The following DLGAP2 variants were observed in gnomAD, a reference collection of about 807,000 sequenced individuals.
The protein encoded by DLGAP2 is DLG associated protein 2, also known as disks large-associated protein 2.
DLGAP2 carries 26 observed loss-of-function variants against 100.3 expected under a neutral mutation model. The ratio of observed to expected loss-of-function variants is 0.26; its 90% CI spans 0.19 to 0.36. The LOEUF is 0.36. Among genes scored for constraint, DLGAP2 ranks in the 10% least tolerant of loss-of-function variants. The pLI, the probability that DLGAP2 is intolerant of heterozygous loss-of-function variation, is 1.00. For synonymous variants in DLGAP2, 886 were observed against 630.1 expected (o/e 1.41, Z -6.08); for missense variants, 1,858 against 1,453.2 (o/e 1.28, Z -4.53).
intron 3 of DLGAP2, among the ~76,000 whole-genome samples, chr8:1,321,358 C>A (rs1800897805): frequency 6.6e-6 from 1 of 151,484 alleles, no homozygotes. Context: ...GCTTATGCAT[C>A]CGTACCATGT....
At chr8:1,362,762 T>C (rs1802015335) in intron 3 of DLGAP2, among the ~76,000 whole-genome samples, 1 of 152,248 alleles carries the variant, frequency 6.6e-6, no homozygotes, top group South Asian at 2.1e-4. Context: ...ACAGCGTCCA[T>C]TTCTGTACTT....
intron 1 of DLGAP2, among the ~76,000 whole-genome samples, chr8:761,803 C>T (rs994754933): frequency 6.6e-6 from 1 of 152,176 alleles, no homozygotes; most frequent in Non-Finnish European, 1.5e-5. Context: ...CCCCTCTGTC[C>T]CGGGCTAGCT....
intron 1 of DLGAP2, among the ~76,000 whole-genome samples, chr8:750,269 C>A (rs1820757239): frequency 6.6e-6 from 1 of 152,208 alleles, no homozygotes; most frequent in Non-Finnish European, 1.5e-5. Flanking sequence ...CGCATCCTTG[C>A]CACACGAGGG....
At chr8:1,202,908 G>A (rs968216345) in intron 2 of DLGAP2, among the ~76,000 whole-genome samples, 9 of 152,214 alleles carry the variant, frequency 5.9e-5, no homozygotes, top group Admixed American at 2.6e-4. Flanking sequence ...TCTTCAAGGC[G>A]CACGCATTTT....
At chr8:1,336,302 G>A (rs935958633) in intron 3 of DLGAP2, among the ~76,000 whole-genome samples, 5 of 152,212 alleles carry the variant, frequency 3.3e-5, no homozygotes, top group African/African-American at 4.8e-5. Context: ...AAGCACCTTC[G>A]TTCTGGGAAG....
chr8:1,506,546 G>A (rs556768581), intron 4 of DLGAP2, among the ~76,000 whole-genome samples: 2 of 152,318 alleles, frequency 1.3e-5, no homozygotes, highest in South Asian at 2.1e-4. Context: ...GTGAGCAACA[G>A]CAAGATTTAG....
chr8:1,060,558 G>A (rs544748730), intron 2 of DLGAP2, among the ~76,000 whole-genome samples: 2 of 152,176 alleles, frequency 1.3e-5, no homozygotes, highest in Non-Finnish European at 2.9e-5. Flanking sequence ...ATCAGATTTA[G>A]GGCCTGCTCT....
At chr8:1,442,319 G>A (rs1797857747) in intron 3 of DLGAP2, among the ~76,000 whole-genome samples, 1 of 147,462 alleles carries the variant, frequency 6.8e-6, no homozygotes, top group East Asian at 2.1e-4. Context: ...CTGCTGATGG[G>A]TTCAGCCACT....
chr8:741,937 C>T (rs1820497716), intron 1 of DLGAP2, among the ~76,000 whole-genome samples: 1 of 152,226 alleles, frequency 6.6e-6, no homozygotes, highest in African/African-American at 2.4e-5. Flanking sequence ...GATGGCCTGT[C>T]TGGAAATGAC....
intron 2 of DLGAP2, among the ~76,000 whole-genome samples, chr8:1,100,446 C>A (rs141980292): frequency 2.1e-3 from 315 of 151,894 alleles, no homozygotes; most frequent in African/African-American, 7.0e-3. Context: ...TAGGGAAAAC[C>A]TTTGTCCAGC....
chr8:996,944 C>G (rs1338052154), intron 2 of DLGAP2, among the ~76,000 whole-genome samples: 1 of 152,164 alleles, frequency 6.6e-6, no homozygotes, highest in Admixed American at 6.5e-5. Flanking sequence ...GCTTTGGAAC[C>G]CTTCATAGAC....
chr8:871,983 C>T (rs1391509165), intron 1 of DLGAP2, among the ~76,000 whole-genome samples: 2 of 152,240 alleles, frequency 1.3e-5, no homozygotes, highest in East Asian at 1.9e-4. Flanking sequence ...ACAGTTTTTG[C>T]GTTAGCTATT....
intron 3 of DLGAP2, among the ~76,000 whole-genome samples, chr8:1,477,377 G>A (rs185891711): frequency 3.7e-4 from 57 of 152,310 alleles, no homozygotes; most frequent in African/African-American, 1.3e-3. Flanking sequence ...CTCCGGCTCT[G>A]TCCTTTCCTT....
intron 2 of DLGAP2, among the ~76,000 whole-genome samples, chr8:1,242,258 C>T (rs530695869): frequency 3.9e-5 from 6 of 151,948 alleles, no homozygotes; most frequent in African/African-American, 1.2e-4. Context: ...GAGGGGAGGT[C>T]GGGGGAAAGG....
At chr8:1,077,025 G>A (rs1222692913) in intron 2 of DLGAP2, among the ~76,000 whole-genome samples, 1 of 148,472 alleles carries the variant, frequency 6.7e-6, no homozygotes, top group East Asian at 2.0e-4. Flanking sequence ...AGTCTGTCCC[G>A]GGCCCCCCCA....
At chr8:1,495,150 T>C (rs1183509352) in intron 3 of DLGAP2, among the ~76,000 whole-genome samples, 2 of 152,076 alleles carry the variant, frequency 1.3e-5, no homozygotes, top group Non-Finnish European at 2.9e-5. Context: ...AGCGTCAAGG[T>C]CAATGGAGTC....
chr8:1,617,646 C>T (rs1797200635), intron 6 of DLGAP2, among the ~76,000 whole-genome samples: 1 of 152,244 alleles, frequency 6.6e-6, no homozygotes, highest in East Asian at 1.9e-4. Flanking sequence ...GAAATATTTT[C>T]TCCCATTTTG....
At chr8:751,509 A>C (rs1820788013) in intron 1 of DLGAP2, among the ~76,000 whole-genome samples, 1 of 152,180 alleles carries the variant, frequency 6.6e-6, no homozygotes, top group Non-Finnish European at 1.5e-5. Flanking sequence ...TTGGATCGTG[A>C]GGTTAGAAAA....
At chr8:1,039,757 C>T (rs372261616) in intron 2 of DLGAP2, among the ~76,000 whole-genome samples, 8 of 139,090 alleles carry the variant, frequency 5.8e-5, no homozygotes, top group Admixed American at 2.9e-4. Flanking sequence ...TTTCTGTAGT[C>T]GGCTCGGTGT....
Sources: gnomAD v4.1 joint callset for allele counts (sites outside exome capture counted in the v4.1 genomes callset) on GRCh38, gnomAD v4.1.1 for gene constraint, MANE v1.5 for transcripts, NCBI Gene and HGNC (gene_info 2026-07-23, HGNC 2026-07-21) for gene names.